SCIN: variants seen among roughly 807,000 people sequenced by gnomAD.
The protein encoded by SCIN is adseverin.
Under a neutral mutation model 91.8 loss-of-function variants are expected in SCIN, and 91 were observed. The observed-to-expected ratio is 0.99, with a 90% confidence interval of 0.84 to 1.18. The LOEUF (loss-of-function observed/expected upper bound fraction) is 1.18. Ranked by LOEUF, SCIN falls within the 50% of genes most tolerant of loss-of-function variation. SCIN has a pLI of 0.00. For missense variants in SCIN, 1,087 were observed against 863.9 expected (o/e 1.26, Z -3.24); for synonymous variants, 367 against 312.6 (o/e 1.17, Z -1.84).
chr7:12,613,863 A>G (rs1274302237), intron 4 of SCIN, among the ~76,000 whole-genome samples: 2 of 152,308 alleles, frequency 1.3e-5, no homozygotes, highest in Admixed American at 1.3e-4. Flanking sequence ...TCAGTGTTAG[A>G]TATCCCATAA....
chr7:12,650,384 T>G (rs1055484567), intron 14 of SCIN, among the ~76,000 whole-genome samples: 1 of 152,232 alleles, frequency 6.6e-6, no homozygotes, highest in Non-Finnish European at 1.5e-5. Context: ...AAAGAAGAAT[T>G]ACACTTCCTT....
intron 9 of SCIN, among the ~76,000 whole-genome samples, chr7:12,635,611 CAAAAAAAAAAAAAAAAAAAAA>C (rs59324421): frequency 5.1e-4 from 3 of 5,856 alleles, no homozygotes; most frequent in Non-Finnish European, 1.3e-3. Context: ...GACTCCGTCT[CAAAAAAAAAAAAAAAAAAAAA>C]AAAAAAAAAA....
intron 3 of SCIN, among the ~76,000 whole-genome samples, chr7:12,585,009 G>C (rs1782558148): frequency 6.6e-6 from 1 of 152,064 alleles, no homozygotes; most frequent in Admixed American, 6.6e-5. Flanking sequence ...CCCATGTTCT[G>C]TTTCCTTGCT....
chr7:12,648,544 C>G (rs1174828925), intron 13 of SCIN, among the ~76,000 whole-genome samples: 1 of 152,154 alleles, frequency 6.6e-6, no homozygotes, highest in African/African-American at 2.4e-5. Context: ...ATCCACCCAA[C>G]TCAGCCTCCC....
chr7:12,582,341 T>C (rs1464413618), intron 3 of SCIN, among the ~76,000 whole-genome samples: 1 of 152,196 alleles, frequency 6.6e-6, no homozygotes, highest in Non-Finnish European at 1.5e-5. Context: ...AGTTACAAAG[T>C]TCTGTTTAAG....
chr7:12,573,815 A>G (rs1318945450), intron 1 of SCIN, among the ~76,000 whole-genome samples: 1 of 152,208 alleles, frequency 6.6e-6, no homozygotes, highest in Non-Finnish European at 1.5e-5. Flanking sequence ...CATTTATGTT[A>G]TAAGTGGGCT....
chr7:12,635,162 C>G lies in SCIN; in HGVS notation c.1320-883C>G, dbSNP rs568334587. On this transcript the variant is annotated intron_variant, in intron 9 of 15. Coordinates refer to ENST00000297029, the MANE Select transcript of SCIN (RefSeq NM_001112706.3). ...TCCAGCCTGGGTGATGAGTGAGACT[C>G]TGTCTCAAATAATAATAATAATAAT... Among the ~76,000 whole-genome samples the G allele has an allele frequency of 2.6e-3, 394 of 151,684 alleles. 3 individuals carry two copies. Among genetic ancestry groups the G allele is most frequent in the South Asian group, 0.015 (71 of 4,790 alleles).
At chr7:12,639,608 G>C (rs1199891116) in intron 10 of SCIN, among the ~76,000 whole-genome samples, 3 of 151,620 alleles carry the variant, frequency 2.0e-5, no homozygotes, top group Non-Finnish European at 4.4e-5. Flanking sequence ...CCAATATTTG[G>C]GGCTAATAAA....
At chr7:12,616,400 A>G (rs140999735) in intron 4 of SCIN, among the ~76,000 whole-genome samples, 3,135 of 152,184 alleles carry the variant, frequency 0.021, 39 homozygotes, top group Middle Eastern at 0.054. Flanking sequence ...CTTGCTCTCC[A>G]TGTTCTCTTG....
Position 12,656,033 on chromosome 7 carries a change from G to C in SCIN, c.*3318G>C, listed in dbSNP as rs888127773. 3 of 152,122 alleles carry C rather than the reference G, an allele frequency of 2.0e-5. No homozygotes were observed. The highest frequency in any genetic ancestry group is 4.4e-5 in the Non-Finnish European group (3 of 68,020). The allele number at this position is 152,122 out of a possible 1,614,324, so 9.4% of individuals were successfully genotyped here. On this transcript the variant is annotated 3_prime_UTR_variant, in exon 16 of 16. Coordinates refer to ENST00000297029, the MANE Select transcript of SCIN (RefSeq NM_001112706.3). The stretch of plus-strand genomic sequence containing the variant: ...CCTTGGTGAGCCATTTAGATCCTCT[G>C]TATCTTCTCAAGCACAATCCTCAGT...
At chr7:12,640,268 TAAG>T (rs1783830282) in intron 10 of SCIN, 76 bp from the exon 11 acceptor site, 1 of 1,260,306 alleles carries the variant, frequency 7.9e-7, no homozygotes, top group Admixed American at 3.2e-5. Context: ...AAAGACAACA[TAAG>T]AACACATTTG....
In SCIN at chr7:12,657,130, T is replaced by C. The variant is rs566547464; in HGVS notation, c.*4415T>C. On this transcript the variant is annotated 3_prime_UTR_variant, in exon 16 of 16. Coordinates refer to ENST00000297029, the MANE Select transcript of SCIN (RefSeq NM_001112706.3). ...TTTTCTACTAAAATGAACATACACA[T>C]ATCCTATAATCCAGAAATCCCACTC... is the stretch of plus-strand genomic sequence containing the variant. 45 of 151,122 alleles carry C rather than the reference T, an allele frequency of 3.0e-4. No individual in the cohort carries two copies. Among genetic ancestry groups the C allele is most frequent in the African/African-American group, 1.0e-3 (43 of 41,166 alleles). The allele number at this position is 151,122 out of a possible 1,614,324, so 9.4% of individuals were successfully genotyped here.
At chr7:12,645,481 A>T (rs1005310822) in intron 13 of SCIN, among the ~76,000 whole-genome samples, 1 of 152,166 alleles carries the variant, frequency 6.6e-6, no homozygotes, top group Non-Finnish European at 1.5e-5. Context: ...TGCTCTACAC[A>T]GGGTATTTTT....
chr7:12,644,635 T>C lies in SCIN; in HGVS notation c.1811T>C (p.Leu604Pro). 1 of 1,605,708 alleles carries C rather than the reference T, an allele frequency of 6.2e-7. No homozygotes were observed. The highest frequency in any genetic ancestry group is 8.5e-7 in the Non-Finnish European group (1 of 1,175,962). Residue 604 changes from leucine to proline, a missense_variant, in exon 13 of 16, where the codon CTA becomes CCA. Transcript: ENST00000297029. ...GGKKDYQTSPLLETQAEDHPP... is the reference protein window; with the variant it reads ...GGKKDYQTSPPLETQAEDHPP... Reference sequence around the variant, plus strand: ...AAAAAAGACTACCAGACCTCACCACTACTGGAAACCCAGGCTGAAGACCAT... The same window carrying C: ...AAAAAAGACTACCAGACCTCACCACCACTGGAAACCCAGGCTGAAGACCAT...
chr7:12,651,995 C>T lies in SCIN; in HGVS notation c.2020+94C>T. 1 of 797,164 alleles carries T rather than the reference C, an allele frequency of 1.3e-6. No homozygotes were observed. Among genetic ancestry groups the T allele is most frequent in the East Asian group, 2.7e-5 (1 of 36,548 alleles). 49.4% of individuals were successfully genotyped at this position (797,164 alleles called of 1,614,324 possible). A position where few individuals can be genotyped will look rare whatever the true frequency, so the allele number is the denominator to read the frequency against. ...TTTGCCACCATGTCTTACAAAAATA[C>T]ATTTCAAAATCAAGAAGTAGCTTAG... On this transcript the variant is annotated intron_variant, in intron 15 of 15. Coordinates refer to ENST00000297029, the MANE Select transcript of SCIN (RefSeq NM_001112706.3). The surrounding 1 kb of genome is among the most constrained non-coding windows in gnomAD (Gnocchi z 5.9).
intron 4 of SCIN, among the ~76,000 whole-genome samples, chr7:12,614,502 A>G (rs1380253355): frequency 1.3e-5 from 2 of 152,144 alleles, no homozygotes; most frequent in Non-Finnish European, 1.5e-5. Context: ...GTTGACTCTG[A>G]GACAAGGACT....
intron 8 of SCIN, among the ~76,000 whole-genome samples, chr7:12,627,119 T>C (rs527466953): frequency 6.6e-6 from 1 of 150,772 alleles, no homozygotes; most frequent in East Asian, 2.0e-4. Flanking sequence ...CACACATAAA[T>C]GTGTATATAT....
intron 3 of SCIN, among the ~76,000 whole-genome samples, chr7:12,582,717 C>A (rs1028303295): frequency 6.6e-6 from 1 of 152,106 alleles, no homozygotes; most frequent in African/African-American, 2.4e-5. Context: ...GCAGAATACA[C>A]ATACTGTTCC....
rs192769779 is a variant in SCIN at position 12,656,243 on chromosome 7, A to G, written c.*3528A>G. The G allele has an allele frequency of 7.9e-5, 12 of 152,296 alleles. No individual in the cohort carries two copies. Among genetic ancestry groups the G allele is most frequent in the African/African-American group, 2.6e-4 (11 of 41,566 alleles). 9.4% of individuals were successfully genotyped at this position (152,296 alleles called of 1,614,324 possible). ...TAACTCATTATTCAGTCATCAAGCA[A>G]TTCTTGTCCCAATCATTCTCCAAAG... On this transcript the variant is annotated 3_prime_UTR_variant, in exon 16 of 16. Transcript: ENST00000297029.
Sources: gnomAD v4.1 joint callset for allele counts (sites outside exome capture counted in the v4.1 genomes callset) on GRCh38, gnomAD v4.1.1 for gene constraint, Gnocchi (gnomAD v3.1) non-coding constraint, MANE v1.5 for transcripts, NCBI Gene and HGNC (gene_info 2026-07-23, HGNC 2026-07-21) for gene names.